The following ITGBL1 variants were observed in gnomAD, a reference collection of about 807,000 sequenced individuals.
ITGBL1 encodes integrin subunit beta like 1, also known as integrin beta-like protein 1.
In ITGBL1, 51 loss-of-function variants were observed where a neutral mutation model predicts 68.5. That is an observed-to-expected ratio of 0.74 (90% CI 0.59 to 0.94). ITGBL1 has a LOEUF of 0.94. Among genes scored for constraint, ITGBL1 ranks in the 40% least tolerant of loss-of-function variants. ITGBL1 has a pLI of 0.00. For missense variants in ITGBL1, 649 were observed against 647.4 expected (o/e 1.00, Z -0.03); for synonymous variants, 209 against 227.3 (o/e 0.92, Z 0.72).
intron 2 of ITGBL1, among the ~76,000 whole-genome samples, chr13:101,505,745 C>G (rs1410148280): frequency 1.3e-5 from 2 of 149,516 alleles, no homozygotes; most frequent in African/African-American, 4.9e-5. Context: ...CATCAATAGT[C>G]GATGTTCCCT....
At chr13:101,603,230 A>T (rs1166233673) in intron 7 of ITGBL1, among the ~76,000 whole-genome samples, 1 of 151,822 alleles carries the variant, frequency 6.6e-6, no homozygotes, top group Non-Finnish European at 1.5e-5. Context: ...CATCCTTGCC[A>T]TTTCTTGGTA....
Position 101,583,270 on chromosome 13 carries a change from G to A in ITGBL1, c.782G>A (p.Trp261Ter), listed in dbSNP as rs1421962849. ...TCHDVDPTGD[W>*]GDIHGDTCEC... ...CACGATGTTGATCCGACTGGGGACT[G>A]GGGAGATATTCATGGGGACACCTGT... Residue 261 changes from tryptophan (W) to a stop codon, truncating the protein, a stop_gained, in exon 6 of 11, where the codon TGG (tryptophan) becomes TAG (stop). Transcript: ENST00000376180. LOFTEE classifies it high-confidence loss of function. 3.1e-6 allele frequency: 5 copies of A among 1,613,564 alleles called. No homozygotes were observed. Among genetic ancestry groups the A allele is most frequent in the Non-Finnish European group, 4.2e-6 (5 of 1,179,622 alleles).
chr13:101,720,529 T>TTG (rs1183629835), downstream of ITGBL1: 1 of 94,160 alleles, frequency 1.1e-5, no homozygotes, highest in African/African-American at 4.0e-5. Flanking sequence ...GGGTGTTTGC[T>TTG]CTGTGTGTGT....
chr13:101,552,209 T>C (rs1251396375), intron 2 of ITGBL1, among the ~76,000 whole-genome samples: 1 of 152,164 alleles, frequency 6.6e-6, no homozygotes, highest in Non-Finnish European at 1.5e-5. Context: ...CTGTGTCCAG[T>C]GTTTAGTCCT....
At chr13:101,614,678 G>A (rs1466586281) in intron 7 of ITGBL1, among the ~76,000 whole-genome samples, 1 of 152,082 alleles carries the variant, frequency 6.6e-6, no homozygotes. Flanking sequence ...GGTGAGAGGC[G>A]ACACTTCTGA....
intron 2 of ITGBL1, among the ~76,000 whole-genome samples, chr13:101,566,493 A>C (rs1373192377): frequency 1.3e-5 from 2 of 152,180 alleles, no homozygotes; most frequent in African/African-American, 4.8e-5. Context: ...TTTGGTTATA[A>C]AATAGAATAA....
intron 2 of ITGBL1, among the ~76,000 whole-genome samples, chr13:101,485,961 T>A (rs2048696760): frequency 6.6e-6 from 1 of 151,950 alleles, no homozygotes; most frequent in African/African-American, 2.4e-5. Context: ...AAACTAAAAG[T>A]AGAACTACCA....
At chr13:101,592,202 C>A (rs1384903891) in intron 6 of ITGBL1, among the ~76,000 whole-genome samples, 1 of 152,006 alleles carries the variant, frequency 6.6e-6, no homozygotes, top group Non-Finnish European at 1.5e-5. Flanking sequence ...AATTTAATAT[C>A]TTTTCTGACT....
chr13:101,662,683 G>C (rs961038346), intron 7 of ITGBL1, among the ~76,000 whole-genome samples: 3 of 151,690 alleles, frequency 2.0e-5, no homozygotes, highest in Non-Finnish European at 4.4e-5. Flanking sequence ...CCTCTTATCT[G>C]GTAGAATGTG....
In ITGBL1 at chr13:101,715,931, A is replaced by G; in HGVS notation, c.*277A>G. The G allele has an allele frequency of 2.8e-6, 1 of 355,158 alleles. No homozygotes were observed. The highest frequency in any genetic ancestry group is 3.0e-5 in the South Asian group (1 of 33,598). The allele number at this position is 355,158 out of a possible 1,614,324, so 22.0% of individuals were successfully genotyped here. On this transcript the variant is annotated 3_prime_UTR_variant, in exon 11 of 11. Coordinates refer to ENST00000376180, the MANE Select transcript of ITGBL1 (RefSeq NM_004791.3). ...ACCCAAAAGTCATTTGGCAACATCT[A>G]CAGACAATTTTGATTGTCACACTGG... is the stretch of plus-strand genomic sequence containing the variant.
intron 2 of ITGBL1, among the ~76,000 whole-genome samples, chr13:101,508,006 C>G (rs1220318765): frequency 6.6e-6 from 1 of 152,104 alleles, no homozygotes; most frequent in African/African-American, 2.4e-5. Context: ...AACCTATTGA[C>G]ATATTTCAAA....
intron 6 of ITGBL1, among the ~76,000 whole-genome samples, chr13:101,596,489 T>C (rs1266872120): frequency 6.6e-6 from 1 of 152,192 alleles, no homozygotes; most frequent in Non-Finnish European, 1.5e-5. Context: ...TTTATTATCT[T>C]GGTTGTGGTA....
chr13:101,708,026 AACACAC>A (rs3062945), intron 9 of ITGBL1, among the ~76,000 whole-genome samples: 35,992 of 144,282 alleles, frequency 0.25, 4,598 homozygotes, highest in South Asian at 0.33. Context: ...CACACATGCA[AACACAC>A]ACACACACAC....
chr13:101,668,439 TTTTG>T (rs1262147428), intron 7 of ITGBL1, among the ~76,000 whole-genome samples: 1 of 152,016 alleles, frequency 6.6e-6, no homozygotes, highest in African/African-American at 2.4e-5. Context: ...GCAAAATAGA[TTTTG>T]TTTGTGTAGC....
At chr13:101,685,197 A>T (rs1248437823) in intron 7 of ITGBL1, among the ~76,000 whole-genome samples, 1 of 152,044 alleles carries the variant, frequency 6.6e-6, no homozygotes, top group Non-Finnish European at 1.5e-5. Context: ...ACTTCTTAAT[A>T]AGAAAGTATG....
intron 9 of ITGBL1, 79 bp from the exon 10 acceptor site, chr13:101,714,359 A>T (rs2034618750): frequency 1.1e-5 from 9 of 835,548 alleles, no homozygotes; most frequent in Non-Finnish European, 1.9e-5. Flanking sequence ...GCCTGTTGTC[A>T]GTGTGTCAAC....
At chr13:101,680,533 CT>C (rs558867026) in intron 7 of ITGBL1, among the ~76,000 whole-genome samples, 8,364 of 143,624 alleles carry the variant, frequency 0.058, 344 homozygotes, top group Middle Eastern at 0.075. Flanking sequence ...CGGGAATACA[CT>C]TTTTTTTTTT....
intron 7 of ITGBL1, among the ~76,000 whole-genome samples, chr13:101,669,603 C>T (rs2033309522): frequency 6.6e-6 from 1 of 152,122 alleles, no homozygotes; most frequent in South Asian, 2.1e-4. Context: ...TTTAAAGCAA[C>T]ACAGTTTTCT....
At chr13:101,487,697 G>A (rs1039345009) in intron 2 of ITGBL1, among the ~76,000 whole-genome samples, 3 of 152,090 alleles carry the variant, frequency 2.0e-5, no homozygotes, top group Admixed American at 1.3e-4. Flanking sequence ...CAGTGTCCTC[G>A]GTGAATCTCC....
Sources: gnomAD v4.1 joint callset for allele counts (sites outside exome capture counted in the v4.1 genomes callset) on GRCh38, gnomAD v4.1.1 for gene constraint, MANE v1.5 for transcripts, NCBI Gene and HGNC (gene_info 2026-07-23, HGNC 2026-07-21) for gene names.